The following RYR2 variants were observed in gnomAD, a reference collection of about 807,000 sequenced individuals.
The protein encoded by RYR2 is cardiac muscle ryanodine receptor-calcium release channel.
Under a neutral mutation model 601.1 loss-of-function variants are expected in RYR2, and 227 were observed. That is an observed-to-expected ratio of 0.38 (90% CI 0.34 to 0.42). RYR2 has a LOEUF of 0.42. Ranked by LOEUF, RYR2 falls within the 10% of genes least tolerant of loss-of-function variation. RYR2 has a pLI of 1.00. For missense variants in RYR2, 4,646 were observed against 6,156.5 expected, an observed-to-expected ratio of 0.75 and a Z score of 8.21; for synonymous variants, 2,223 against 2,175.1, an observed-to-expected ratio of 1.02 and a Z score of -0.61.
intron 97 of RYR2, chr1:237,799,889 G>T (rs1659744759): frequency 6.6e-6 from 1 of 152,132 alleles, no homozygotes. Context: ...GGGAGGAAAG[G>T]AGCTCATGTC....
intron 1 of RYR2, among the ~76,000 whole-genome samples, chr1:237,072,390 G>A (rs184764871): frequency 7.9e-5 from 12 of 152,286 alleles, no homozygotes; most frequent in African/African-American, 2.6e-4. Flanking sequence ...GGCATTGAGC[G>A]GATGGGCAGA....
chr1:237,320,263 C>T (rs748009903), intron 2 of RYR2, among the ~76,000 whole-genome samples: 1 of 151,988 alleles, frequency 6.6e-6, no homozygotes, highest in Non-Finnish European at 1.5e-5. Flanking sequence ...AAAAATGCAG[C>T]GTATAAATAT....
chr1:237,287,565 G>A (rs747382834), intron 2 of RYR2, among the ~76,000 whole-genome samples: 6 of 152,072 alleles, frequency 3.9e-5, no homozygotes. Context: ...TGTCTTCAAG[G>A]TCTGAATTTC....
chr1:237,707,369 A>G, intron 68 of RYR2, 100 bp downstream of exon 68: 1 of 642,142 alleles, frequency 1.6e-6, no homozygotes, highest in South Asian at 4.1e-5. Context: ...ATTTTTATTA[A>G]TATTTTCTTT....
At chr1:237,483,254 T>C (rs1316330459) in intron 17 of RYR2, among the ~76,000 whole-genome samples, 1 of 152,220 alleles carries the variant, frequency 6.6e-6, no homozygotes, top group Non-Finnish European at 1.5e-5. Context: ...AAGGAGCATA[T>C]TGGTAATTCT....
At chr1:237,518,725 G>T (rs1158303086) in intron 24 of RYR2, among the ~76,000 whole-genome samples, 2 of 152,196 alleles carry the variant, frequency 1.3e-5, no homozygotes, top group Non-Finnish European at 2.9e-5. Context: ...AAACATGCAA[G>T]TGCAGATGTC....
intron 1 of RYR2, among the ~76,000 whole-genome samples, chr1:237,164,598 C>T (rs948953397): frequency 1.3e-5 from 2 of 152,148 alleles, no homozygotes; most frequent in Non-Finnish European, 2.9e-5. Flanking sequence ...AGTAGGCCAC[C>T]GTGGCAGGGA....
At chr1:237,156,808 C>T (rs923517304) in intron 1 of RYR2, among the ~76,000 whole-genome samples, 3 of 152,206 alleles carry the variant, frequency 2.0e-5, no homozygotes, top group African/African-American at 7.2e-5. Context: ...GCCACTTGAA[C>T]TCTGACCTTT....
intron 1 of RYR2, among the ~76,000 whole-genome samples, chr1:237,085,554 T>C (rs1430486152): frequency 6.6e-6 from 1 of 152,156 alleles, no homozygotes; most frequent in Non-Finnish European, 1.5e-5. Flanking sequence ...ACAGCTGTGA[T>C]TTTAGAAGAG....
At chr1:237,799,304 G>A (rs1399850441) in intron 97 of RYR2, among the ~76,000 whole-genome samples, 1 of 152,178 alleles carries the variant, frequency 6.6e-6, no homozygotes, top group African/African-American at 2.4e-5. Context: ...GAACTAGGGT[G>A]TGAGGCTGAG....
At chr1:237,724,107 TTATACTAA>T (rs1347593796) in intron 74 of RYR2, among the ~76,000 whole-genome samples, 1 of 150,694 alleles carries the variant, frequency 6.6e-6, no homozygotes, top group Non-Finnish European at 1.5e-5. Flanking sequence ...CTTGGTTATT[TTATACTAA>T]ATATAAAATA....
At chr1:237,162,184 G>C (rs1676087178) in intron 1 of RYR2, among the ~76,000 whole-genome samples, 1 of 152,184 alleles carries the variant, frequency 6.6e-6, no homozygotes, top group South Asian at 2.1e-4. Context: ...TTAGTGTTCT[G>C]AAGCCATAGG....
In RYR2 at chr1:237,309,652, C is replaced by T. The variant is rs540932909; in HGVS notation, c.169-21226C>T. ...CCACACTCCTCAGCCCTTGGGCGGT[C>T]GATGGGACCAGGCGCCATGGAGCAG... is the stretch of plus-strand genomic sequence containing the variant. On this transcript the variant is annotated intron_variant, in intron 2 of 104. Transcript: ENST00000366574. 7.3e-4 allele frequency among the ~76,000 whole-genome samples: 111 copies of T among 152,336 alleles called. No individual in the cohort carries two copies. The Middle Eastern group carries it at 0.01, about 14-fold the overall frequency.
intron 29 of RYR2, among the ~76,000 whole-genome samples, chr1:237,580,466 C>A (rs1673784138): frequency 3.9e-5 from 1 of 25,934 alleles, no homozygotes; most frequent in Non-Finnish European, 2.1e-4. Flanking sequence ...CCCAACAATG[C>A]TTTAAAAAAA....
intron 12 of RYR2, among the ~76,000 whole-genome samples, chr1:237,423,820 G>A (rs74549708): frequency 0.01 from 1,530 of 152,168 alleles, 16 homozygotes; most frequent in African/African-American, 0.018. Flanking sequence ...TGCTATATTC[G>A]TCCATTTTCA....
At chr1:237,778,526 CT>C in intron 87 of RYR2, 139 bp from the exon 88 acceptor site, 1 of 454,562 alleles carries the variant, frequency 2.2e-6, no homozygotes, top group Non-Finnish European at 4.0e-6. Context: ...CCTTCTTTCA[CT>C]TTGAGTTCCT....
intron 1 of RYR2, among the ~76,000 whole-genome samples, chr1:237,141,608 A>G (rs1346075147): frequency 6.6e-6 from 1 of 152,204 alleles, no homozygotes; most frequent in African/African-American, 2.4e-5. Context: ...AATGACTCAA[A>G]CAAGTCCAGC....
chr1:237,150,874 A>G (rs1000709060), intron 1 of RYR2, among the ~76,000 whole-genome samples: 2 of 152,112 alleles, frequency 1.3e-5, no homozygotes, highest in Admixed American at 6.5e-5. Context: ...ACTTAATTCC[A>G]AGTGCTCTGG....
At chr1:237,306,990 C>T (rs567933070) in intron 2 of RYR2, among the ~76,000 whole-genome samples, 1 of 152,272 alleles carries the variant, frequency 6.6e-6, no homozygotes, top group South Asian at 2.1e-4. Flanking sequence ...ACTTATACTA[C>T]TTTCAGTAAC....
Sources: allele counts gnomAD v4.1 joint callset (sites outside exome capture counted in the v4.1 genomes callset), GRCh38; gene constraint gnomAD v4.1.1; transcripts MANE v1.5; gene names NCBI Gene and HGNC (gene_info 2026-07-23, HGNC 2026-07-21).